The following ABCA13 variants were observed in gnomAD, a reference collection of about 807,000 sequenced individuals.
The protein encoded by ABCA13 is ATP binding cassette subfamily A member 13.
ABCA13 carries 476 observed loss-of-function variants against 478.7 expected under a neutral mutation model. The ratio of observed to expected loss-of-function variants is 0.99; its 90% CI spans 0.92 to 1.07. The LOEUF is 1.07. ABCA13 is among the 50% of genes least tolerant of loss of function. ABCA13 has a pLI of 0.00. For synonymous variants in ABCA13, 2,252 were observed against 2,158.9 expected, an observed-to-expected ratio of 1.04 and a Z score of -1.20; for missense variants, 6,060 against 5,910.6, an observed-to-expected ratio of 1.03 and a Z score of -0.83.
At chr7:48,238,691 A>G (rs1269597646) in intron 8 of ABCA13, among the ~76,000 whole-genome samples, 3 of 152,076 alleles carry the variant, frequency 2.0e-5, no homozygotes, top group African/African-American at 4.8e-5. Flanking sequence ...GATGGTCTCT[A>G]TCTCCTGACC....
intron 16 of ABCA13, among the ~76,000 whole-genome samples, chr7:48,269,485 A>C (rs1207450577): frequency 6.6e-6 from 1 of 152,210 alleles, no homozygotes; most frequent in Non-Finnish European, 1.5e-5. Flanking sequence ...GGGAGAGAGA[A>C]GTGGTCTTTG....
At chr7:48,283,593 G>T (rs1010576108) in intron 19 of ABCA13, among the ~76,000 whole-genome samples, 1 of 152,158 alleles carries the variant, frequency 6.6e-6, no homozygotes, top group Admixed American at 6.5e-5. Context: ...ATAGGTCAAT[G>T]CATGAGGGCT....
Position 48,419,372 on chromosome 7 carries a change from C to T in ABCA13, c.12459+6789C>T, listed in dbSNP as rs1378689153. On this transcript the variant is annotated intron_variant, in intron 41 of 61. Transcript: ENST00000435803. ...TTTTGGAAATTTCTCAGTCTTCCTC[C>T]TCTTTGCCCTCTTTTCTTAAAAAAT... 2.6e-5 allele frequency among the ~76,000 whole-genome samples: 4 copies of T among 152,126 alleles called. No homozygotes were observed. The South Asian group carries it at 8.3e-4, about 32-fold the overall frequency.
At chr7:48,507,772 ATTAGCAGTTTTCAC>A in intron 49 of ABCA13, 86 bp from the exon 50 acceptor site, 3 of 1,326,044 alleles carry the variant, frequency 2.3e-6, no homozygotes, top group Non-Finnish European at 3.0e-6. Flanking sequence ...TGAATTTTTA[ATTAGCAGTTTTCAC>A]TGCTGTCATC....
chr7:48,467,025 T>G lies in ABCA13; in HGVS notation c.12885T>G (p.Cys4295Trp), dbSNP rs768912443. 1 of 1,614,022 alleles carries G rather than the reference T, an allele frequency of 6.2e-7. No homozygotes were observed. Among genetic ancestry groups the G allele is most frequent in the Non-Finnish European group, 8.5e-7 (1 of 1,179,886 alleles). Residue 4295 changes from cysteine to tryptophan, a missense_variant, in exon 44 of 62, where the codon TGT becomes TGG. By Grantham distance (215) the Cys-to-Trp change is radical. This residue lies in a region of ABCA13 where 1,627 missense variants were observed against 1,571.0 expected (regional missense o/e 1.04). Coordinates refer to ENST00000435803, the MANE Select transcript of ABCA13 (RefSeq NM_152701.5). ...LRKFRDQDLP[C>W]ADLNPRQKNS... Reference sequence around the variant, plus strand: ...AGTTTAGAGATCAAGATTTGCCCTGTGCAGATTTAAACCCACGCCAGTAAG... The same window carrying G: ...AGTTTAGAGATCAAGATTTGCCCTGGGCAGATTTAAACCCACGCCAGTAAG...
intron 55 of ABCA13, among the ~76,000 whole-genome samples, chr7:48,546,922 C>G (rs1784867097): frequency 6.6e-6 from 1 of 151,676 alleles, no homozygotes; most frequent in African/African-American, 2.4e-5. Context: ...ACCTCACCAA[C>G]TAGCAACTAG....
At chr7:48,390,771 G>A (rs1478771151) in intron 37 of ABCA13, among the ~76,000 whole-genome samples, 1 of 152,174 alleles carries the variant, frequency 6.6e-6, no homozygotes, top group Admixed American at 6.5e-5. Context: ...CCAGCAGCCT[G>A]CTCCTTGGGA....
At chr7:48,631,252 T>C (rs1256979006) in intron 59 of ABCA13, among the ~76,000 whole-genome samples, 1 of 152,152 alleles carries the variant, frequency 6.6e-6, no homozygotes, top group Non-Finnish European at 1.5e-5. Context: ...TCCAGAATGA[T>C]ATTTCCTAGA....
chr7:48,239,451 G>T, intron 9 of ABCA13, 46 bp downstream of exon 9: 1 of 1,535,842 alleles, frequency 6.5e-7, no homozygotes, highest in South Asian at 1.3e-5. Flanking sequence ...GTGCCAGTTT[G>T]AGTGTCCAAA....
chr7:48,380,491 T>G (rs866148047), intron 35 of ABCA13, among the ~76,000 whole-genome samples: 4 of 152,298 alleles, frequency 2.6e-5, no homozygotes, highest in Middle Eastern at 3.4e-3. Context: ...TCTGAAAAAT[T>G]TAGTGTATAC....
Position 48,304,556 on chromosome 7 carries a change from C to T in ABCA13, c.9322-5391C>T, listed in dbSNP as rs567055988. On this transcript the variant is annotated intron_variant, in intron 23 of 61. Coordinates refer to ENST00000435803, the MANE Select transcript of ABCA13 (RefSeq NM_152701.5). ...AGAATCTCCTTGTGGTTTTGACTTG[C>T]ATTTCTCTAATGATCAGCGATGGAA... is the stretch of plus-strand genomic sequence containing the variant. Among the ~76,000 whole-genome samples the T allele has an allele frequency of 6.6e-5, 10 of 152,038 alleles. No homozygotes were observed. The South Asian group carries it at 2.1e-3, about 32-fold the overall frequency.
intron 55 of ABCA13, among the ~76,000 whole-genome samples, chr7:48,560,126 C>G (rs1023970999): frequency 6.6e-6 from 1 of 152,156 alleles, no homozygotes; most frequent in East Asian, 1.9e-4. Flanking sequence ...GGCTCCCTTT[C>G]AAGTTTACCT....
intron 1 of ABCA13, among the ~76,000 whole-genome samples, chr7:48,175,280 G>A (rs1028292243): frequency 4.0e-5 from 6 of 151,830 alleles, no homozygotes; most frequent in African/African-American, 1.5e-4. Flanking sequence ...TATTCATAGG[G>A]TACATAGTGA....
chr7:48,321,371 AAGT>A (rs1292789305), intron 27 of ABCA13, among the ~76,000 whole-genome samples: 8 of 152,150 alleles, frequency 5.3e-5, no homozygotes, highest in African/African-American at 1.9e-4. Flanking sequence ...AGAAGGATGA[AAGT>A]AGAGGAAGCT....
At chr7:48,267,760 A>G (rs1795057319) in intron 15 of ABCA13, among the ~76,000 whole-genome samples, 1 of 152,174 alleles carries the variant, frequency 6.6e-6, no homozygotes, top group Non-Finnish European at 1.5e-5. Context: ...TCTATCATTC[A>G]AACTGCTGTC....
In ABCA13 at chr7:48,202,539, C is replaced by T. The variant is rs531935974; in HGVS notation, c.287+4179C>T. On this transcript the variant is annotated intron_variant, in intron 3 of 61. Transcript: ENST00000435803. ...GATACAGAGTGTCGATTGTTGCACTCACAAACCTTGAGCTAAACACAGGGT... is the reference window on the plus strand; with the variant it reads ...GATACAGAGTGTCGATTGTTGCACTTACAAACCTTGAGCTAAACACAGGGT... Among the ~76,000 whole-genome samples, 5 of 152,024 alleles carry T rather than the reference C, an allele frequency of 3.3e-5. No homozygotes were observed. The South Asian group carries it at 8.3e-4, about 25-fold the overall frequency.
intron 55 of ABCA13, among the ~76,000 whole-genome samples, chr7:48,528,636 A>G (rs960185311): frequency 6.6e-6 from 1 of 152,098 alleles, no homozygotes; most frequent in African/African-American, 2.4e-5. Flanking sequence ...TCCTCTCTGC[A>G]GATGGAACTC....
chr7:48,394,898 G>A (rs1816621338), intron 38 of ABCA13, among the ~76,000 whole-genome samples: 1 of 152,066 alleles, frequency 6.6e-6, no homozygotes, highest in South Asian at 2.1e-4. Context: ...AGCTCTACTG[G>A]GGGGTGTGTG....
intron 23 of ABCA13, among the ~76,000 whole-genome samples, chr7:48,300,416 A>C (rs1799990202): frequency 6.6e-6 from 1 of 152,262 alleles, no homozygotes; most frequent in Non-Finnish European, 1.5e-5. Flanking sequence ...GGGGGATGAC[A>C]CAGTAAATAT....
Sources: allele counts gnomAD v4.1 joint callset (sites outside exome capture counted in the v4.1 genomes callset), GRCh38; gene constraint gnomAD v4.1.1; regional missense constraint gnomAD v4.1.1; transcripts MANE v1.5; gene names NCBI Gene and HGNC (gene_info 2026-07-23, HGNC 2026-07-21).